TBXAS1: variants seen among roughly 807,000 people sequenced by gnomAD.
TBXAS1 encodes the protein thromboxane A synthase 1.
A neutral mutation model predicts 60.7 loss-of-function variants in TBXAS1; 48 were observed. The ratio of observed to expected loss-of-function variants is 0.79; its 90% CI spans 0.63 to 1.01. The LOEUF (loss-of-function observed/expected upper bound fraction) is 1.01, where lower values mean the gene tolerates loss of function less well. TBXAS1 is among the 50% of genes least tolerant of loss of function. TBXAS1 has a pLI of 0.00. For missense variants in TBXAS1, 685 were observed against 686.3 expected (o/e 1.00, Z 0.02); for synonymous variants, 287 against 269.7 (o/e 1.06, Z -0.63).
rs527505168 is a variant in TBXAS1, at chr7:139,876,949, T to G, written c.236+1312T>G. ...AGGCTCTGCATGTCTCTCATCCTCTTTGGAAGTGTAAGCTCGGCTGGCAGG... is the reference window on the plus strand; with the variant it reads ...AGGCTCTGCATGTCTCTCATCCTCTGTGGAAGTGTAAGCTCGGCTGGCAGG... On this transcript the variant is annotated intron_variant, in intron 3 of 12. Coordinates refer to ENST00000448866, the MANE Select transcript of TBXAS1 (RefSeq NM_001061.7). 1.5e-3 allele frequency among the ~76,000 whole-genome samples: 229 copies of G among 152,288 alleles called. 1 individual carries two copies. The highest frequency in any genetic ancestry group is 6.8e-3 in the Middle Eastern group (2 of 294).
chr7:139,820,167 G>GC (rs1798258524), intron 4 of TBXAS1, among the ~76,000 whole-genome samples: 1 of 152,054 alleles, frequency 6.6e-6, no homozygotes, highest in Non-Finnish European at 1.5e-5. Context: ...TCTAAGACTT[G>GC]CCTTAAGGCA....
chr7:139,783,785 C>A (rs527357140), intron 3 of TBXAS1, among the ~76,000 whole-genome samples: 82 of 152,280 alleles, frequency 5.4e-4, no homozygotes, highest in Middle Eastern at 3.4e-3. Context: ...ATCTGGCAAC[C>A]CCTGGAGGGG....
chr7:139,784,238 CTCTT>C (rs1422099421), intron 3 of TBXAS1, among the ~76,000 whole-genome samples: 1 of 144,672 alleles, frequency 6.9e-6, no homozygotes, highest in East Asian at 2.2e-4. Flanking sequence ...CTCTCTCTCT[CTCTT>C]CCTTCCTTCC....
chr7:140,003,435 C>T (rs1813834255), intron 9 of TBXAS1, among the ~76,000 whole-genome samples: 1 of 152,162 alleles, frequency 6.6e-6, no homozygotes, highest in African/African-American at 2.4e-5. Context: ...GAACTCCTCA[C>T]CTCAGGTGAT....
At chr7:139,838,543 T>C (rs954894104) in intron 1 of TBXAS1, among the ~76,000 whole-genome samples, 2 of 152,246 alleles carry the variant, frequency 1.3e-5, no homozygotes, top group Non-Finnish European at 2.9e-5. Context: ...GTTCCAGTTG[T>C]TGAAGATGGA....
chr7:139,991,742 T>C (rs191073386), intron 9 of TBXAS1, among the ~76,000 whole-genome samples: 83 of 152,326 alleles, frequency 5.4e-4, no homozygotes, highest in African/African-American at 1.9e-3. Flanking sequence ...TTTTGGGGTT[T>C]TGTCCCACAT....
chr7:139,926,714 T>C (rs1018468405), intron 4 of TBXAS1, among the ~76,000 whole-genome samples: 6 of 152,096 alleles, frequency 3.9e-5, no homozygotes, highest in African/African-American at 1.4e-4. Flanking sequence ...GATGTATCAT[T>C]AGGTTGTTTA....
rs1584741915 is a variant in TBXAS1 at position 139,875,853 on chromosome 7, C to T, written c.236+216C>T. The T allele has an allele frequency of 7.8e-5, 47 of 603,520 alleles. 3 individuals carry two copies. The South Asian group carries it at 9.2e-4, about 12-fold the overall frequency. 37.4% of individuals were successfully genotyped at this position (603,520 alleles called of 1,614,324 possible). A position where few individuals can be genotyped will look rare whatever the true frequency, so the allele number is the denominator to read the frequency against. On this transcript the variant is annotated intron_variant, in intron 3 of 12. Coordinates refer to ENST00000448866, the MANE Select transcript of TBXAS1 (RefSeq NM_001061.7). ...GTTGCCCACGGGGGGACTCTGCTGG[C>T]CTGAAAGAGTACCACTTTCCAGCCT...
chr7:139,931,882 G>A (rs1027054289), intron 4 of TBXAS1, among the ~76,000 whole-genome samples: 4 of 152,132 alleles, frequency 2.6e-5, no homozygotes, highest in Non-Finnish European at 5.9e-5. Context: ...CAAGCAGGAG[G>A]TGTGGAGGGG....
At chr7:139,978,509 CAA>C (rs550052038) in intron 9 of TBXAS1, among the ~76,000 whole-genome samples, 1 of 117,272 alleles carries the variant, frequency 8.5e-6, no homozygotes. Flanking sequence ...GACTCTGTCT[CAA>C]AAAAAAAAAG....
At chr7:139,802,450 G>T (rs538363812) in intron 4 of TBXAS1, among the ~76,000 whole-genome samples, 11 of 152,118 alleles carry the variant, frequency 7.2e-5, no homozygotes, top group Non-Finnish European at 1.3e-4. Context: ...TTCTGTTCTC[G>T]TGATAGTGAA....
intron 5 of TBXAS1, among the ~76,000 whole-genome samples, chr7:139,949,663 C>A (rs553334543): frequency 2.2e-4 from 33 of 152,310 alleles, no homozygotes; most frequent in African/African-American, 6.3e-4. Flanking sequence ...GAAGCATCAA[C>A]ACAGAGATAC....
At chr7:139,971,026 G>T (rs944593148) in intron 9 of TBXAS1, among the ~76,000 whole-genome samples, 1 of 152,188 alleles carries the variant, frequency 6.6e-6, no homozygotes, top group Admixed American at 6.5e-5. Flanking sequence ...GCATGTCTCT[G>T]ATGCCATTTC....
intron 5 of TBXAS1, among the ~76,000 whole-genome samples, chr7:139,953,125 GTTC>G (rs1396433944): frequency 1.8e-4 from 28 of 152,280 alleles, no homozygotes; most frequent in African/African-American, 5.3e-4. Context: ...CTGTAAATCT[GTTC>G]TTCTTTTTTG....
At chr7:139,907,941 A>T (rs1805233509) in intron 3 of TBXAS1, among the ~76,000 whole-genome samples, 1 of 152,070 alleles carries the variant, frequency 6.6e-6, no homozygotes, top group Non-Finnish European at 1.5e-5. Context: ...TAAATATATT[A>T]GTCTAAAGTT....
At chr7:139,955,285 A>G (rs984291020) in intron 6 of TBXAS1, among the ~76,000 whole-genome samples, 174 bp from the exon 7 acceptor site, 1 of 151,984 alleles carries the variant, frequency 6.6e-6, no homozygotes, top group African/African-American at 2.4e-5. Context: ...TGCCCCATCC[A>G]GGAGCCCATC....
chr7:139,953,610 G>C, intron 6 of TBXAS1, 154 bp downstream of exon 6: 1 of 731,642 alleles, frequency 1.4e-6, no homozygotes. Context: ...AAAAAGAAAA[G>C]AAACCCACTT....
intron 9 of TBXAS1, among the ~76,000 whole-genome samples, chr7:139,983,917 T>C (rs780267652): frequency 2.6e-5 from 4 of 152,200 alleles, no homozygotes; most frequent in Non-Finnish European, 5.9e-5. Flanking sequence ...CCCCTTCCCT[T>C]GGAGCTGCCA....
rs1279117437 is a variant in TBXAS1, at chr7:139,941,168, C to T, written c.450+4861C>T. Reference sequence around the variant, plus strand: ...AGTCCTTTCTGAATTTGTAAGTAGTCTTTGGACTTTTGTTATCAAACATCA... The same window carrying T: ...AGTCCTTTCTGAATTTGTAAGTAGTTTTTGGACTTTTGTTATCAAACATCA... On this transcript the variant is annotated intron_variant, in intron 5 of 12. Coordinates refer to ENST00000448866, the MANE Select transcript of TBXAS1 (RefSeq NM_001061.7). Among the ~76,000 whole-genome samples, 3 of 152,124 alleles carry T rather than the reference C, an allele frequency of 2.0e-5. 1 individual carries two copies. Among genetic ancestry groups the T allele is most frequent in the Admixed American group, 2.0e-4 (3 of 15,282 alleles).
Sources: allele counts gnomAD v4.1 joint callset (sites outside exome capture counted in the v4.1 genomes callset), GRCh38; gene constraint gnomAD v4.1.1; transcripts MANE v1.5; gene names NCBI Gene and HGNC (gene_info 2026-07-23, HGNC 2026-07-21).